The following PTPN4 variants were observed in gnomAD, a reference collection of about 807,000 sequenced individuals.
PTPN4 encodes protein tyrosine phosphatase non-receptor type 4.
PTPN4 carries 49 observed loss-of-function variants against 135.5 expected under a neutral mutation model. The ratio of observed to expected loss-of-function variants is 0.36; its 90% CI spans 0.29 to 0.46. The LOEUF (loss-of-function observed/expected upper bound fraction) is 0.46, where lower values mean the gene tolerates loss of function less well. PTPN4 is among the 20% of genes least tolerant of loss of function. PTPN4 has a pLI of 1.00. For synonymous variants in PTPN4, 333 were observed against 369.9 expected (o/e 0.90, Z 1.14); for missense variants, 860 against 1,101.0 (o/e 0.78, Z 3.10).
At chr2:119,801,466 A>T (rs978745426) in intron 1 of PTPN4, among the ~76,000 whole-genome samples, 1 of 152,210 alleles carries the variant, frequency 6.6e-6, no homozygotes, top group Non-Finnish European at 1.5e-5. Flanking sequence ...TAGAAATTAC[A>T]TTAAACCTGT....
chr2:119,825,876 T>C (rs1677139512), intron 2 of PTPN4, among the ~76,000 whole-genome samples: 2 of 152,202 alleles, frequency 1.3e-5, no homozygotes, highest in Non-Finnish European at 2.9e-5. Flanking sequence ...TTCTGTTTCA[T>C]CTCTATATGT....
In PTPN4 at chr2:119,848,861, A is replaced by C. The variant is rs558179428; in HGVS notation, c.139-13675A>C. Among the ~76,000 whole-genome samples the C allele has an allele frequency of 7.2e-5, 11 of 152,116 alleles. No homozygotes were observed. In the Middle Eastern group the frequency reaches 0.01, roughly 141 times the overall value. ...TGATCCACCCACCTCGGCCTCCCAAAGTGCTGGGATTACAGGCGTGAGCCA... is the reference window on the plus strand; with the variant it reads ...TGATCCACCCACCTCGGCCTCCCAACGTGCTGGGATTACAGGCGTGAGCCA... On this transcript the variant is annotated intron_variant, in intron 2 of 26. Transcript: ENST00000263708.
chr2:119,842,090 A>G (rs111716151), intron 2 of PTPN4, among the ~76,000 whole-genome samples: 3,536 of 152,306 alleles, frequency 0.023, 129 homozygotes, highest in African/African-American at 0.077. Context: ...CCTCACGTAG[A>G]TTTTAATCTG....
chr2:119,776,316 C>T (rs553973677), intron 1 of PTPN4, among the ~76,000 whole-genome samples: 1 of 152,274 alleles, frequency 6.6e-6, no homozygotes, highest in South Asian at 2.1e-4. Flanking sequence ...GCTGGGACTA[C>T]AGGCGCCTGC....
rs760213839 is a variant in PTPN4 at position 119,809,896 on chromosome 2, G to A, written c.43G>A (p.Val15Ile). 1.1e-5 allele frequency: 17 copies of A among 1,613,096 alleles called. No homozygotes were observed. The African/African-American group carries it at 1.6e-4, about 15-fold the overall frequency. The change falls in exon 2 of 27, where the codon GTA (valine) becomes ATA (isoleucine). Residue 15 changes from valine to isoleucine, a missense_variant. Around this residue, in one of 2 missense-constraint regions of PTPN4, gnomAD observed 684 missense variants for 807.0 expected, o/e 0.85. Coordinates refer to ENST00000263708, the MANE Select transcript of PTPN4 (RefSeq NM_002830.4). ...FRLPAGRTYN[V>I]RASELARDRQ... ...ATTGCCTGCTGGCAGAACCTACAAT[G>A]TACGAGCATCAGAGTTGGCCCGAGA...
At chr2:119,760,871 CAAAAA>C (rs11288109) in intron 1 of PTPN4, among the ~76,000 whole-genome samples, 40 of 82,028 alleles carry the variant, frequency 4.9e-4, no homozygotes, top group Admixed American at 4.3e-3. Flanking sequence ...GTAGTTGAGC[CAAAAA>C]AAAAAAAAAA....
At chr2:119,951,596 T>C (rs2105051918) in intron 18 of PTPN4, among the ~76,000 whole-genome samples, 1 of 152,336 alleles carries the variant, frequency 6.6e-6, no homozygotes, top group Non-Finnish European at 1.5e-5. Flanking sequence ...GTAAATGCAC[T>C]GTGGTAACTA....
At chr2:119,894,915 A>T (rs1678297149) in intron 9 of PTPN4, among the ~76,000 whole-genome samples, 1 of 152,208 alleles carries the variant, frequency 6.6e-6, no homozygotes, top group Non-Finnish European at 1.5e-5. Context: ...TGAGTATGGG[A>T]AAGTGGACAC....
At chr2:119,896,784 A>G (rs1168902530) in intron 9 of PTPN4, among the ~76,000 whole-genome samples, 1 of 151,974 alleles carries the variant, frequency 6.6e-6, no homozygotes, top group Non-Finnish European at 1.5e-5. Flanking sequence ...CCTTTTATTT[A>G]CCTGGTTTTC....
At chr2:119,807,060 C>G (rs1269747082) in intron 1 of PTPN4, among the ~76,000 whole-genome samples, 2 of 152,134 alleles carry the variant, frequency 1.3e-5, no homozygotes, top group Non-Finnish European at 2.9e-5. Context: ...ACCAGAATCT[C>G]TGGGACAACT....
chr2:119,830,156 A>G (rs567069619), intron 2 of PTPN4, among the ~76,000 whole-genome samples: 1 of 152,252 alleles, frequency 6.6e-6, no homozygotes, highest in Admixed American at 6.5e-5. Flanking sequence ...TTGTAGTTCT[A>G]GCTATTAATT....
intron 20 of PTPN4, among the ~76,000 whole-genome samples, chr2:119,956,237 A>ATTTTTTTT (rs10627020): frequency 4.0e-5 from 4 of 101,040 alleles, no homozygotes; most frequent in African/African-American, 7.4e-5. Flanking sequence ...ATAAACCTGA[A>ATTTTTTTT]TTTTTTTTTT....
rs930846030 is a variant in PTPN4, at chr2:119,930,822, G to T, written c.1071-1602G>T. On this transcript the variant is annotated intron_variant, in intron 13 of 26. Transcript: ENST00000263708. ...ATTGCATTTGCTTTGTGCCTTCCTT[G>T]GTAATTGTTTTTTTTTTTTTAGCCA... Among the ~76,000 whole-genome samples the T allele has an allele frequency of 4.0e-5, 6 of 150,836 alleles. No individual in the cohort carries two copies. The East Asian group carries it at 9.7e-4, about 24-fold the overall frequency.
At chr2:119,882,672 T>C in intron 8 of PTPN4, 49 bp downstream of exon 8, 6 of 1,386,086 alleles carry the variant, frequency 4.3e-6, no homozygotes, top group Non-Finnish European at 4.9e-6. Flanking sequence ...ATGGCATTCT[T>C]TCTAGAGAAA....
At chr2:119,837,972 C>G (rs1436239939) in intron 2 of PTPN4, among the ~76,000 whole-genome samples, 1 of 152,242 alleles carries the variant, frequency 6.6e-6, no homozygotes, top group African/African-American at 2.4e-5. Context: ...TGCTCCGCGC[C>G]TGACTCGCCC....
At chr2:119,896,902 G>T (rs1276787897) in intron 9 of PTPN4, among the ~76,000 whole-genome samples, 4 of 151,932 alleles carry the variant, frequency 2.6e-5, no homozygotes. Flanking sequence ...GTCACCAGTG[G>T]GGAGTGTTCT....
Position 119,982,952 on chromosome 2 carries a change from G to A in PTPN4, c.*5882G>A, listed in dbSNP as rs1198971689. 6.6e-6 allele frequency: 1 copy of A among 152,118 alleles called. No homozygotes were observed. Among genetic ancestry groups the A allele is most frequent in the Non-Finnish European group, 1.5e-5 (1 of 68,018 alleles). 9.4% of individuals were successfully genotyped at this position (152,118 alleles called of 1,614,324 possible). On this transcript the variant is annotated 3_prime_UTR_variant, in exon 27 of 27. Transcript: ENST00000263708. ...ACTACATCTTAAACCACCTTTGTAG[G>A]TATGATTAATACGTGCAACAGCTGC...
intron 1 of PTPN4, among the ~76,000 whole-genome samples, chr2:119,767,279 C>G (rs1228561107): frequency 6.6e-6 from 1 of 152,194 alleles, no homozygotes; most frequent in Non-Finnish European, 1.5e-5. Flanking sequence ...CATTTCTGGT[C>G]CTACATTTTA....
intron 19 of PTPN4, among the ~76,000 whole-genome samples, chr2:119,952,548 G>C (rs1303905271): frequency 1.3e-5 from 2 of 152,046 alleles, no homozygotes; most frequent in South Asian, 4.1e-4. Context: ...TCCCCTAAAT[G>C]GTAATAGTTG....
Sources: gnomAD v4.1 joint callset for allele counts (sites outside exome capture counted in the v4.1 genomes callset) on GRCh38, gnomAD v4.1.1 for gene constraint, gnomAD v4.1.1 regional missense constraint, MANE v1.5 for transcripts, NCBI Gene and HGNC (gene_info 2026-07-23, HGNC 2026-07-21) for gene names.